Variants in TOX observed in about 807,000 individuals in gnomAD.
TOX encodes the protein thymocyte selection-associated high mobility group box protein TOX.
A neutral mutation model predicts 53.7 loss-of-function variants in TOX; 11 were observed. That is an observed-to-expected ratio of 0.20 (90% CI 0.13 to 0.34). The LOEUF (loss-of-function observed/expected upper bound fraction) is 0.34. Ranked by LOEUF, TOX falls within the 10% of genes least tolerant of loss-of-function variation. The probability of loss-of-function intolerance (pLI) is 1.00; values close to 1 mark genes in which losing one functional copy is unlikely to be tolerated. For missense variants in TOX, 570 were observed against 664.6 expected (o/e 0.86, Z 1.56); for synonymous variants, 225 against 245.3 (o/e 0.92, Z 0.77).
chr8:58,838,388 A>C (rs1585853034), intron 4 of TOX, 77 bp from the exon 5 acceptor site: 1 of 1,161,064 alleles, frequency 8.6e-7, no homozygotes, highest in Non-Finnish European at 1.3e-6. Context: ...TTTTCCTTTG[A>C]GACTTAGACA....
intron 1 of TOX, among the ~76,000 whole-genome samples, chr8:58,999,499 G>A (rs762132024): frequency 1.3e-5 from 2 of 152,178 alleles, no homozygotes; most frequent in Non-Finnish European, 2.9e-5. Context: ...AATACTGTAG[G>A]CCCTGAAACG....
chr8:58,844,749 A>G (rs1238003254), intron 4 of TOX, among the ~76,000 whole-genome samples: 1 of 152,140 alleles, frequency 6.6e-6, no homozygotes, highest in Non-Finnish European at 1.5e-5. Context: ...TTACCCACGC[A>G]CTGATTTCAC....
At chr8:58,832,238 T>G (rs1563364860) in intron 5 of TOX, among the ~76,000 whole-genome samples, 1 of 149,522 alleles carries the variant, frequency 6.7e-6, no homozygotes, top group African/African-American at 2.4e-5. Context: ...ACCTGAATTT[T>G]ACAAGTATGC....
chr8:59,104,772 CT>C (rs1399706937), intron 1 of TOX, among the ~76,000 whole-genome samples: 4 of 152,182 alleles, frequency 2.6e-5, no homozygotes, highest in Non-Finnish European at 5.9e-5. Context: ...TAACTTTCCC[CT>C]TCTTCACTGC....
At chr8:58,893,766 C>T (rs898636672) in intron 3 of TOX, among the ~76,000 whole-genome samples, 5 of 152,156 alleles carry the variant, frequency 3.3e-5, no homozygotes, top group African/African-American at 9.7e-5. Context: ...AAACTTCACC[C>T]TCAAGATACA....
chr8:59,073,034 G>A (rs565445137), intron 1 of TOX, among the ~76,000 whole-genome samples: 1 of 152,170 alleles, frequency 6.6e-6, no homozygotes, highest in Admixed American at 6.5e-5. Flanking sequence ...TCACATTTTT[G>A]CTGTCTCCTG....
intron 3 of TOX, among the ~76,000 whole-genome samples, chr8:58,883,915 T>C (rs1419605141): frequency 6.6e-6 from 1 of 152,182 alleles, no homozygotes; most frequent in Non-Finnish European, 1.5e-5. Flanking sequence ...ATTTATCTTT[T>C]ATGACAAGAG....
At chr8:59,071,827 C>T (rs1353457960) in intron 1 of TOX, among the ~76,000 whole-genome samples, 1 of 152,002 alleles carries the variant, frequency 6.6e-6, no homozygotes, top group Admixed American at 6.6e-5. Flanking sequence ...TGATTCATGG[C>T]CAAAGAAGAC....
At chr8:58,870,209 T>C (rs1042409076) in intron 3 of TOX, among the ~76,000 whole-genome samples, 3 of 152,054 alleles carry the variant, frequency 2.0e-5, no homozygotes, top group Admixed American at 1.3e-4. Flanking sequence ...CTGGAAATAA[T>C]AAGTGAATAT....
chr8:58,834,136 T>C (rs1180013350), intron 5 of TOX, among the ~76,000 whole-genome samples: 1 of 152,192 alleles, frequency 6.6e-6, no homozygotes, highest in East Asian at 1.9e-4. Flanking sequence ...GCAATTGTAA[T>C]CTCACTAATA....
chr8:58,822,097 C>T (rs1810291031), intron 6 of TOX, among the ~76,000 whole-genome samples: 1 of 152,216 alleles, frequency 6.6e-6, no homozygotes, highest in South Asian at 2.1e-4. Context: ...TTTTAAGTTT[C>T]TCTATGGAAA....
intron 3 of TOX, among the ~76,000 whole-genome samples, chr8:58,896,610 G>T (rs996338833): frequency 1.3e-5 from 2 of 152,122 alleles, no homozygotes; most frequent in Non-Finnish European, 2.9e-5. Context: ...GGGAGTCGGA[G>T]GTTGCAGTGA....
At chr8:58,814,740 A>G (rs941730129) in intron 7 of TOX, among the ~76,000 whole-genome samples, 4 of 152,178 alleles carry the variant, frequency 2.6e-5, no homozygotes, top group African/African-American at 9.6e-5. Context: ...ATAATCAGGG[A>G]GTGGGTAGGG....
At chr8:58,844,729 G>A (rs531723777) in intron 4 of TOX, among the ~76,000 whole-genome samples, 1 of 152,182 alleles carries the variant, frequency 6.6e-6, no homozygotes, top group Non-Finnish European at 1.5e-5. Flanking sequence ...GGCCCTAAAT[G>A]TCGCCCTGAT....
chr8:59,028,869 G>A (rs994097734), intron 1 of TOX, among the ~76,000 whole-genome samples: 5 of 152,044 alleles, frequency 3.3e-5, no homozygotes, highest in Admixed American at 6.6e-5. Context: ...CATTATGGTA[G>A]CTGTAAAATA....
At chr8:58,885,398 C>A (rs531216936) in intron 3 of TOX, among the ~76,000 whole-genome samples, 1 of 152,226 alleles carries the variant, frequency 6.6e-6, no homozygotes, top group East Asian at 1.9e-4. Context: ...CACTTCCAAA[C>A]AGTCTCTTTT....
In TOX at chr8:58,941,922, G is replaced by A. The variant is rs1417779927; in HGVS notation, c.169-2378C>T. Among the ~76,000 whole-genome samples, 9 of 151,754 alleles carry A rather than the reference G, an allele frequency of 5.9e-5. No homozygotes were observed. In the East Asian group the frequency reaches 1.2e-3, roughly 20 times the overall value. ...ACAAAAATTAGCCGGGTGTGGTGGC[G>A]CATGCCTGTAGTCCCAGCTACTCGG... On this transcript the variant is annotated intron_variant, in intron 2 of 8. Transcript: ENST00000361421.
intron 7 of TOX, among the ~76,000 whole-genome samples, chr8:58,812,054 G>C (rs1364972641): frequency 1.3e-5 from 2 of 151,994 alleles, no homozygotes; most frequent in African/African-American, 2.4e-5. Context: ...TGTCCACATG[G>C]CTCCCACATG....
At chr8:58,845,782 TG>T (rs1407934592) in intron 4 of TOX, among the ~76,000 whole-genome samples, 1 of 152,112 alleles carries the variant, frequency 6.6e-6, no homozygotes, top group East Asian at 1.9e-4. Flanking sequence ...ATAGGAAGTC[TG>T]GGCTAATGTC....
Sources: allele counts gnomAD v4.1 joint callset (sites outside exome capture counted in the v4.1 genomes callset), GRCh38; gene constraint gnomAD v4.1.1; transcripts MANE v1.5; gene names NCBI Gene and HGNC (gene_info 2026-07-23, HGNC 2026-07-21).